The following SLC24A3 variants were observed in gnomAD, a reference collection of about 807,000 sequenced individuals.
SLC24A3 encodes the protein solute carrier family 24 member 3.
A neutral mutation model predicts 75.8 loss-of-function variants in SLC24A3; 28 were observed. That is an observed-to-expected ratio of 0.37 (90% CI 0.27 to 0.51). The LOEUF is 0.51. SLC24A3 is among the 20% of genes least tolerant of loss of function. The probability of loss-of-function intolerance (pLI) is 0.94; values close to 1 mark genes in which losing one functional copy is unlikely to be tolerated. For missense variants in SLC24A3, 663 were observed against 847.8 expected, an observed-to-expected ratio of 0.78 and a Z score of 2.71; for synonymous variants, 372 against 334.1, an observed-to-expected ratio of 1.11 and a Z score of -1.24.
At chr20:19,495,103 A>T (rs1988263967) in intron 2 of SLC24A3, among the ~76,000 whole-genome samples, 1 of 152,096 alleles carries the variant, frequency 6.6e-6, no homozygotes, top group African/African-American at 2.4e-5. Context: ...CCTAGTGTCT[A>T]CCACCCCTCT....
At chr20:19,487,120 G>A (rs1243477583) in intron 2 of SLC24A3, among the ~76,000 whole-genome samples, 1 of 152,236 alleles carries the variant, frequency 6.6e-6, no homozygotes, top group Non-Finnish European at 1.5e-5. Flanking sequence ...TTAGGTGAAT[G>A]TGGAGTGTCA....
At position 19,212,992 on chromosome 20, in the gene SLC24A3, C is replaced by A; in HGVS notation, c.142+8C>A. 7.9e-7 allele frequency: 1 copy of A among 1,269,742 alleles called. No individual in the cohort carries two copies. Among genetic ancestry groups the A allele is most frequent in the Non-Finnish European group, 9.9e-7 (1 of 1,005,780 alleles). 78.7% of individuals were successfully genotyped at this position (1,269,742 alleles called of 1,614,324 possible). On this transcript the variant is annotated splice_region_variant and intron_variant, in intron 1 of 16. Coordinates refer to ENST00000328041, the MANE Select transcript of SLC24A3 (RefSeq NM_020689.4). ...GCCTGCGAGAGCAGAAGGGTGAGTG[C>A]ACGCTGCCTGCCCCGAGTGGGCGCT...
intron 15 of SLC24A3, among the ~76,000 whole-genome samples, chr20:19,708,773 CAGA>C (rs2032957360): frequency 6.6e-6 from 1 of 152,198 alleles, no homozygotes; most frequent in Non-Finnish European, 1.5e-5. Flanking sequence ...GTTATTCAAA[CAGA>C]GCTCCTGGGA....
At chr20:19,333,660 A>AGTGT (rs11471788) in intron 2 of SLC24A3, among the ~76,000 whole-genome samples, 17 of 147,948 alleles carry the variant, frequency 1.1e-4, no homozygotes, top group African/African-American at 3.5e-4. Flanking sequence ...TGTGTGTGAG[A>AGTGT]GTGTGTGTGT....
chr20:19,545,986 C>T (rs2030582093), intron 3 of SLC24A3, among the ~76,000 whole-genome samples: 1 of 151,520 alleles, frequency 6.6e-6, no homozygotes, highest in Admixed American at 6.6e-5. Context: ...GTTGAAACCC[C>T]ATTTCTACTA....
At chr20:19,535,594 A>T (rs1185421233) in intron 3 of SLC24A3, among the ~76,000 whole-genome samples, 1 of 152,224 alleles carries the variant, frequency 6.6e-6, no homozygotes, top group African/African-American at 2.4e-5. Flanking sequence ...GTGATTTTCA[A>T]GCCAAAGAGA....
intron 1 of SLC24A3, among the ~76,000 whole-genome samples, chr20:19,255,368 G>A (rs1314479892): frequency 6.6e-6 from 1 of 152,234 alleles, no homozygotes; most frequent in Non-Finnish European, 1.5e-5. Flanking sequence ...CCCAATCCTT[G>A]TCCCACTGGG....
At position 19,541,349 on chromosome 20, in the gene SLC24A3, G is replaced by A. The variant is rs149560271; in HGVS notation, c.348+25785G>A. On this transcript the variant is annotated intron_variant, in intron 3 of 16. Transcript: ENST00000328041. The stretch of plus-strand genomic sequence containing the variant: ...TCACTGTTATCTGCCTGTCCCGGAA[G>A]CCTGGCTTCCTTCTCTTCTCTTTTT... Among the ~76,000 whole-genome samples, 184 of 152,330 alleles carry A rather than the reference G, an allele frequency of 1.2e-3. 1 individual carries two copies. The highest frequency in any genetic ancestry group is 4.4e-3 in the African/African-American group (182 of 41,570).
intron 6 of SLC24A3, among the ~76,000 whole-genome samples, chr20:19,628,433 C>T (rs932354617): frequency 1.3e-5 from 2 of 151,978 alleles, no homozygotes; most frequent in Non-Finnish European, 2.9e-5. Flanking sequence ...GTTACAGGAC[C>T]CCAGGTGAGT....
intron 1 of SLC24A3, among the ~76,000 whole-genome samples, chr20:19,239,421 A>G (rs1404175867): frequency 6.6e-6 from 1 of 152,178 alleles, no homozygotes; most frequent in Non-Finnish European, 1.5e-5. Context: ...GTGGGCTAGG[A>G]GATGGGGAAC....
intron 15 of SLC24A3, among the ~76,000 whole-genome samples, chr20:19,700,599 G>A (rs2032859314): frequency 6.6e-6 from 1 of 152,216 alleles, no homozygotes; most frequent in African/African-American, 2.4e-5. Flanking sequence ...ATCACCCAGA[G>A]TCTAATCCAT....
intron 2 of SLC24A3, among the ~76,000 whole-genome samples, chr20:19,309,300 C>T (rs937324212): frequency 6.6e-6 from 1 of 152,202 alleles, no homozygotes; most frequent in Non-Finnish European, 1.5e-5. Context: ...TATGGGCTTC[C>T]TCATCTATCA....
intron 1 of SLC24A3, among the ~76,000 whole-genome samples, chr20:19,270,277 G>A (rs867526325): frequency 7.2e-5 from 11 of 152,096 alleles, no homozygotes; most frequent in African/African-American, 2.4e-4. Context: ...GAGAACTCTT[G>A]AGAAACACAG....
chr20:19,529,292 A>G (rs1459656063), intron 3 of SLC24A3, among the ~76,000 whole-genome samples: 2 of 152,144 alleles, frequency 1.3e-5, no homozygotes, highest in Non-Finnish European at 2.9e-5. Context: ...AAATGGAGCT[A>G]TGAGGTTTTA....
At chr20:19,475,694 A>G (rs780431903) in intron 2 of SLC24A3, among the ~76,000 whole-genome samples, 26 of 152,336 alleles carry the variant, frequency 1.7e-4, no homozygotes, top group African/African-American at 4.3e-4. Flanking sequence ...TATATAAAGA[A>G]AACTATTTTA....
intron 3 of SLC24A3, among the ~76,000 whole-genome samples, chr20:19,531,437 G>T (rs1237047609): frequency 6.6e-6 from 1 of 152,244 alleles, no homozygotes; most frequent in Non-Finnish European, 1.5e-5. Flanking sequence ...CCATTAAGAG[G>T]AGGAGAACTG....
At chr20:19,452,767 C>T (rs996557538) in intron 2 of SLC24A3, among the ~76,000 whole-genome samples, 21 of 151,938 alleles carry the variant, frequency 1.4e-4, no homozygotes, top group Non-Finnish European at 2.9e-4. Context: ...GTAATCTCAG[C>T]ACTTTGGGAG....
intron 2 of SLC24A3, among the ~76,000 whole-genome samples, chr20:19,479,594 G>A (rs1988019026): frequency 6.6e-6 from 1 of 152,226 alleles, no homozygotes; most frequent in Non-Finnish European, 1.5e-5. Flanking sequence ...ACAAGAGAGG[G>A]AAAGGAATAA....
At chr20:19,272,384 C>T (rs113555891) in intron 1 of SLC24A3, among the ~76,000 whole-genome samples, 1,973 of 152,362 alleles carry the variant, frequency 0.013, 37 homozygotes, top group African/African-American at 0.044. Context: ...GCAACAATGT[C>T]TGTGAGTGGA....
Sources: gnomAD v4.1 joint callset for allele counts (sites outside exome capture counted in the v4.1 genomes callset) on GRCh38, gnomAD v4.1.1 for gene constraint, MANE v1.5 for transcripts, NCBI Gene and HGNC (gene_info 2026-07-23, HGNC 2026-07-21) for gene names.